The following GPHA2 variants were observed in gnomAD, a reference collection of about 807,000 sequenced individuals.
GPHA2 encodes the protein glycoprotein hormone subunit alpha 2, also known as glycoprotein hormone alpha-2.
In GPHA2, 12 loss-of-function variants were observed where a neutral mutation model predicts 15.3. The observed-to-expected ratio is 0.78, with a 90% CI of 0.50 to 1.27. The LOEUF (loss-of-function observed/expected upper bound fraction) is 1.27. GPHA2 is among the 50% of genes most tolerant of loss of function. GPHA2 has a pLI of 0.00. For synonymous variants in GPHA2, 61 were observed against 66.8 expected (o/e 0.91, Z 0.42); for missense variants, 156 against 169.5 (o/e 0.92, Z 0.44).
In GPHA2 at chr11:64,935,133, T is replaced by G; in HGVS notation, c.146A>C (p.Gln49Pro). The change falls in exon 3 of 4, where the codon CAG (glutamine) becomes CCG (proline). Residue 49 changes from glutamine to proline, a missense_variant. Physicochemically the swap from Gln to Pro is moderately conservative, Grantham distance 76. Transcript: ENST00000279168. ...TVRSDRQGTC[Q>P]GSHVAQACVG... is the part of the protein sequence containing the mutation. ...ACAGGCCTGTGCCACGTGGGAGCCC[T>G]GGCAGGTGCCTTGGCGGTCACTTCG... The G allele has an allele frequency of 1.2e-6, 2 of 1,613,960 alleles. No homozygotes were observed. The highest frequency in any genetic ancestry group is 1.7e-6 in the Non-Finnish European group (2 of 1,179,972).
chr11:64,937,567 G>C (rs1429909543), upstream of GPHA2: 2 of 152,256 alleles, frequency 1.3e-5, no homozygotes, highest in East Asian at 3.8e-4. Flanking sequence ...TCCCCACCAA[G>C]GGTGCAGGCA....
upstream of GPHA2, among the ~76,000 whole-genome samples, chr11:64,937,342 CAGATT>C (rs1945302940): frequency 1.3e-5 from 2 of 152,226 alleles, no homozygotes; most frequent in Non-Finnish European, 1.5e-5. Flanking sequence ...CTCACAGCTC[CAGATT>C]TGGAGCTGTG....
Position 64,935,074 on chromosome 11 carries a change from G to C in GPHA2, c.205C>G (p.Arg69Gly), listed in dbSNP as rs201396401. ...GHCESSAFPSRYSVLVASGYR... is the reference protein window; with the variant it reads ...GHCESSAFPSGYSVLVASGYR... ...CCACTGGCCACCAGCACAGAGTACC[G>C]AGAAGGGAAGGCGCTGGACTCACAG... The change falls in exon 3 of 4, where the codon CGG (arginine) becomes GGG (glycine). Residue 69 changes from arginine (R) to glycine (G), a missense_variant. By Grantham distance (125) the Arg-to-Gly change is moderately radical. Coordinates refer to ENST00000279168, the MANE Select transcript of GPHA2 (RefSeq NM_130769.4). The C allele has an allele frequency of 6.2e-7, 1 of 1,614,112 alleles. No individual in the cohort carries two copies. The highest frequency in any genetic ancestry group is 8.5e-7 in the Non-Finnish European group (1 of 1,180,008).
Position 64,934,551 on chromosome 11 carries a change from C to T in GPHA2, c.*222G>A. 1.7e-6 allele frequency: 1 copy of T among 597,178 alleles called. No individual in the cohort carries two copies. The highest frequency in any genetic ancestry group is 3.0e-6 in the Non-Finnish European group (1 of 335,226). 37.0% of individuals were successfully genotyped at this position (597,178 alleles called of 1,614,324 possible). A position where few individuals can be genotyped will look rare whatever the true frequency, so the allele number is the denominator to read the frequency against. ...GAAAGATTGGTTTAGAAGGGCCAGG[C>T]AGAGGCAGGGAAGAAGCAGAAACTC... On this transcript the variant is annotated 3_prime_UTR_variant, in exon 4 of 4. Coordinates refer to ENST00000279168, the MANE Select transcript of GPHA2 (RefSeq NM_130769.4).
chr11:64,935,628 TG>T, intron 1 of GPHA2, 168 bp from the exon 2 acceptor site: 1 of 557,760 alleles, frequency 1.8e-6, no homozygotes, highest in Non-Finnish European at 3.2e-6. Flanking sequence ...TGTGTGTGTG[TG>T]TGTATGGGTG....
In GPHA2 at chr11:64,934,781, G is replaced by C; in HGVS notation, c.382C>G (p.Arg128Gly). 3 of 1,613,698 alleles carry C rather than the reference G, an allele frequency of 1.9e-6. No homozygotes were observed. The highest frequency in any genetic ancestry group is 2.2e-5 in the South Asian group (2 of 91,070). Reference protein sequence around the residue: ...ACQCDMCRLSRY With the variant: ...ACQCDMCRLSGY Reference sequence around the variant, plus strand: ...GGAGGGGAGAGGATGGGCTAGTAGCGAGAGAGGCGACACATGTCACACTGG... The same window carrying C: ...GGAGGGGAGAGGATGGGCTAGTAGCCAGAGAGGCGACACATGTCACACTGG... The change falls in exon 4 of 4, where the codon CGC (arginine) becomes GGC (glycine). Residue 128 changes from arginine to glycine, a missense_variant. By Grantham distance (125) the Arg-to-Gly change is moderately radical (BLOSUM62 -2). Transcript: ENST00000279168.
In GPHA2 at chr11:64,935,050, C is replaced by T; in HGVS notation, c.229G>A (p.Gly77Ser). Residue 77 changes from glycine to serine, a missense_variant, in exon 3 of 4, where the codon GGT becomes AGT. Gly to Ser is a moderately conservative substitution (Grantham distance 56). Transcript: ENST00000279168. ...PSRYSVLVAS[G>S]YRHNITSVSQ... ...ACGGAGGTGATGTTGTGTCGGTAAC[C>T]ACTGGCCACCAGCACAGAGTACCGA... 6.2e-7 allele frequency: 1 copy of T among 1,614,152 alleles called. No individual in the cohort carries two copies. Among genetic ancestry groups the T allele is most frequent in the Non-Finnish European group, 8.5e-7 (1 of 1,180,016 alleles).
chr11:64,935,089 T>G lies in GPHA2; in HGVS notation c.190A>C (p.Ser64Arg). Residue 64 changes from serine (S) to arginine (R), a missense_variant, in exon 3 of 4, where the codon AGC becomes CGC. Transcript: ENST00000279168. ...AQACVGHCES[S>R]AFPSRYSVLV... ...ACAGAGTACCGAGAAGGGAAGGCGC[T>G]GGACTCACAGTGGCCCACACAGGCC... 1 of 1,613,866 alleles carries G rather than the reference T, an allele frequency of 6.2e-7. No homozygotes were observed.
chr11:64,934,741 G>T lies in GPHA2; in HGVS notation c.*32C>A. 6.4e-7 allele frequency: 1 copy of T among 1,562,232 alleles called. No homozygotes were observed. Among genetic ancestry groups the T allele is most frequent in the Non-Finnish European group, 8.8e-7 (1 of 1,132,518 alleles). ...CCCCCACCAGAACGTCAAGCCCTGT[G>T]ACCCAGGGGAGGAAGGAGGGGAGAG... On this transcript the variant is annotated 3_prime_UTR_variant, in exon 4 of 4. Transcript: ENST00000279168.
chr11:64,937,146 G>A (rs1945300890), upstream of GPHA2, among the ~76,000 whole-genome samples: 1 of 152,192 alleles, frequency 6.6e-6, no homozygotes, highest in Non-Finnish European at 1.5e-5. Context: ...GGGCAGCCCC[G>A]CTTTGGGGTC....
At position 64,934,634 on chromosome 11, in the gene GPHA2, TC is replaced by T; in HGVS notation, c.*138del. 1 of 696,680 alleles carries T rather than the reference TC, an allele frequency of 1.4e-6. No homozygotes were observed. Among genetic ancestry groups the T allele is most frequent in the Non-Finnish European group, 2.6e-6 (1 of 390,856 alleles). 43.2% of individuals were successfully genotyped at this position (696,680 alleles called of 1,614,324 possible). The stretch of plus-strand genomic sequence containing the variant: ...CAAAGGATCAAAGCTGGAACAACCC[TC>T]CCCTTATTTAAAAAAATTCCATAGC... On this transcript the variant is annotated 3_prime_UTR_variant, in exon 4 of 4. Coordinates refer to ENST00000279168, the MANE Select transcript of GPHA2 (RefSeq NM_130769.4).
At chr11:64,936,544 A>ACC (rs1945295548), upstream of GPHA2, among the ~76,000 whole-genome samples, 4 of 152,140 alleles carry the variant, frequency 2.6e-5, no homozygotes, top group Non-Finnish European at 5.9e-5. Context: ...TAGGCCTCCC[A>ACC]AAGTGCTAGA....
rs758917376 is a variant in GPHA2 at position 64,935,190 on chromosome 11, G to A, written c.104-15C>T. On this transcript the variant is annotated splice_polypyrimidine_tract_variant and intron_variant, in intron 2 of 3. Transcript: ENST00000279168. ...CACATTGAAGGCTAGAAGGAGATAGGCAAGCAGTAGACGGCGCCTCTGCCA... is the reference window on the plus strand; with the variant it reads ...CACATTGAAGGCTAGAAGGAGATAGACAAGCAGTAGACGGCGCCTCTGCCA... The A allele has an allele frequency of 3.1e-6, 5 of 1,604,616 alleles. No individual in the cohort carries two copies. The East Asian group carries it at 1.1e-4, about 36-fold the overall frequency.
intron 2 of GPHA2, 87 bp downstream of exon 2, chr11:64,935,271 G>A: frequency 9.6e-6 from 14 of 1,455,030 alleles, no homozygotes; most frequent in Non-Finnish European, 1.3e-5. Flanking sequence ...GCCCTTTAGG[G>A]TGCTGCCTGC....
upstream of GPHA2, among the ~76,000 whole-genome samples, chr11:64,936,927 G>A (rs2136698347): frequency 6.6e-6 from 1 of 152,304 alleles, no homozygotes; most frequent in African/African-American, 2.4e-5. Flanking sequence ...TTTTATAGAT[G>A]AGGCAACTAA....
chr11:64,934,526 GAA>G lies in GPHA2; in HGVS notation c.*245_*246del. 1 of 583,414 alleles carries G rather than the reference GAA, an allele frequency of 1.7e-6. No homozygotes were observed. The highest frequency in any genetic ancestry group is 3.1e-6 in the Non-Finnish European group (1 of 327,022). The allele number at this position is 583,414 out of a possible 1,614,324, so 36.1% of individuals were successfully genotyped here. Reference sequence around the variant, plus strand: ...AGGGCAAAGAGGGAAGTAAAATGATGAAAGATTGGTTTAGAAGGGCCAGGCAG... The same window carrying G: ...AGGGCAAAGAGGGAAGTAAAATGATGAGATTGGTTTAGAAGGGCCAGGCAG... On this transcript the variant is annotated 3_prime_UTR_variant, in exon 4 of 4. Coordinates refer to ENST00000279168, the MANE Select transcript of GPHA2 (RefSeq NM_130769.4).
In GPHA2 at chr11:64,934,830, G is replaced by A. The variant is rs144774918; in HGVS notation, c.333C>T (p.Leu111=). The A allele has an allele frequency of 2.9e-4, 474 of 1,613,454 alleles. 2 individuals are homozygous for A. In the African/African-American group the frequency reaches 5.3e-3, roughly 18 times the overall value. The part of the protein sequence containing the change: ...LQCVGSRREE[L]EIFTARACQC... The stretch of plus-strand genomic sequence containing the variant: ...GGCAGGCCCTGGCCGTGAAGATCTC[G>A]AGCTCCTCCCTCCGGCTCCCCACAC... Residue 111 remains leucine (L), a synonymous_variant, in exon 4 of 4, where the codon CTC becomes CTT. Coordinates refer to ENST00000279168, the MANE Select transcript of GPHA2 (RefSeq NM_130769.4).
chr11:64,935,655 G>C (rs1261426989), intron 1 of GPHA2, 179 bp downstream of exon 1: 1 of 492,274 alleles, frequency 2.0e-6, no homozygotes, highest in Non-Finnish European at 3.6e-6. Context: ...GTGAGCAGCT[G>C]TCTCTGGAAA....
rs780264176 is a variant in GPHA2, at chr11:64,935,420, A to T, written c.41T>A (p.Leu14Gln). Residue 14 changes from leucine to glutamine, a missense_variant, in exon 2 of 4, where the codon CTG becomes CAG. Transcript: ENST00000279168. ...CCAGGCTTCAGTGACTGCCAGGACC[A>T]GCAGATAGAGGACCAGGGTTTGAGG... ...ASPQTLVLYL[L>Q]VLAVTEAWGQ... 1.2e-6 allele frequency: 2 copies of T among 1,610,262 alleles called. No individual in the cohort carries two copies. Among genetic ancestry groups the T allele is most frequent in the Non-Finnish European group, 1.7e-6 (2 of 1,178,540 alleles).
Sources: gnomAD v4.1 joint callset for allele counts (sites outside exome capture counted in the v4.1 genomes callset) on GRCh38, gnomAD v4.1.1 for gene constraint, MANE v1.5 for transcripts, NCBI Gene and HGNC (gene_info 2026-07-23, HGNC 2026-07-21) for gene names.